NPR2: variants seen among roughly 807,000 people sequenced by gnomAD.
NPR2 encodes the protein natriuretic peptide receptor 2.
NPR2 carries 49 observed loss-of-function variants against 120.7 expected under a neutral mutation model. The ratio of observed to expected loss-of-function variants is 0.41; its 90% CI spans 0.32 to 0.52. The LOEUF (loss-of-function observed/expected upper bound fraction) is 0.52. NPR2 is among the 20% of genes least tolerant of loss of function. The probability of loss-of-function intolerance (pLI) is 0.36; values close to 1 mark genes in which losing one functional copy is unlikely to be tolerated. For synonymous variants in NPR2, 484 were observed against 519.8 expected (o/e 0.93, Z 0.94); for missense variants, 931 against 1,362.9 (o/e 0.68, Z 4.99).
In NPR2 at chr9:35,806,584, C is replaced by G. The variant is rs1209127261; in HGVS notation, c.2519+46C>G. ...CTGTATTTTCTTTTGGGATTCTGCTCTGTTGGGCTCTGCCTCATCAGGCAC... is the reference window on the plus strand; with the variant it reads ...CTGTATTTTCTTTTGGGATTCTGCTGTGTTGGGCTCTGCCTCATCAGGCAC... On this transcript the variant is annotated intron_variant, in intron 16 of 21. Coordinates refer to ENST00000342694, the MANE Select transcript of NPR2 (RefSeq NM_003995.4). This position sits in a 1 kb window ranked among gnomAD's most constrained non-coding sequence, Gnocchi z 4.6. 5 of 1,610,458 alleles carry G rather than the reference C, an allele frequency of 3.1e-6. No individual in the cohort carries two copies. Among genetic ancestry groups the G allele is most frequent in the Non-Finnish European group, 4.2e-6 (5 of 1,177,188 alleles).
At position 35,800,427 on chromosome 9, in the gene NPR2, C is replaced by T. The variant is rs121912739; in HGVS notation, c.1162C>T (p.Arg388Ter). The T allele has an allele frequency of 8.1e-6, 13 of 1,614,030 alleles. No homozygotes were observed. Among genetic ancestry groups the T allele is most frequent in the Admixed American group, 3.3e-5 (2 of 60,016 alleles). Residue 388 changes from arginine to a stop codon, truncating the protein, a stop_gained, in exon 5 of 22, where the codon CGA (arginine) becomes TGA (stop). Coordinates refer to ENST00000342694, the MANE Select transcript of NPR2 (RefSeq NM_003995.4). LOFTEE classifies it high-confidence loss of function. The surrounding 1 kb of genome is among the most constrained non-coding windows in gnomAD (Gnocchi z 4.7). The part of the protein sequence containing the change: ...GLVVMDKNND[R>*]ETDFVLWAMG... ...GGTTGTCATGGACAAGAACAATGAC[C>T]GAGAGACTGACTTTGTCCTCTGGGC...
In NPR2 at chr9:35,808,697, T is replaced by C. The variant is rs760337013; in HGVS notation, c.2887+14T>C. ...GGGTCCATACTGGTAAGGCTGACTC[T>C]CACTCCAGCCCTAGTCTCCACCTTT... On this transcript the variant is annotated intron_variant, in intron 19 of 21. Transcript: ENST00000342694. The surrounding 1 kb of genome is among the most constrained non-coding windows in gnomAD (Gnocchi z 4.0). The C allele has an allele frequency of 6.2e-7, 1 of 1,613,284 alleles. No individual in the cohort carries two copies. Among genetic ancestry groups the C allele is most frequent in the South Asian group, 1.1e-5 (1 of 91,066 alleles).
chr9:35,797,394 C>T (rs1827976463), intron 2 of NPR2, among the ~76,000 whole-genome samples: 1 of 152,204 alleles, frequency 6.6e-6, no homozygotes, highest in South Asian at 2.1e-4. Context: ...ACATGACCAG[C>T]ATGAGATTGG....
At chr9:35,797,979 T>C (rs1213672474) in intron 2 of NPR2, among the ~76,000 whole-genome samples, 1 of 152,328 alleles carries the variant, frequency 6.6e-6, no homozygotes, top group Admixed American at 6.5e-5. Flanking sequence ...GCTTGTGTGT[T>C]CTTGCGTTTT....
Position 35,800,753 on chromosome 9 carries a change from G to C in NPR2, c.1263G>C (p.Thr421=). ...GAGCTGAGAAGCAGATTTGGTGGAC[G>C]GGACGGCCTATTCCCTGGGTGAAGG... is the stretch of plus-strand genomic sequence containing the variant. ...YSGAEKQIWW[T]GRPIPWVKGA... The change falls in exon 6 of 22, where the codon ACG becomes ACC. Residue 421 remains threonine, a synonymous_variant. Transcript: ENST00000342694. This position sits in a 1 kb window ranked among gnomAD's most constrained non-coding sequence, Gnocchi z 4.7. 2 of 1,614,112 alleles carry C rather than the reference G, an allele frequency of 1.2e-6. No homozygotes were observed. The highest frequency in any genetic ancestry group is 1.1e-5 in the South Asian group (1 of 91,078).
rs1303913631 is a variant in NPR2 at position 35,806,187 on chromosome 9, C to A, written c.2326C>A (p.Arg776=). Residue 776 remains arginine (R), a synonymous_variant, in exon 15 of 22, where the codon CGG becomes AGG. Transcript: ENST00000342694. This position sits in a 1 kb window ranked among gnomAD's most constrained non-coding sequence, Gnocchi z 4.6. ...ATGTTGGGCTCAGGACCCAGCTGAG[C>A]GGCCAGACTTTGGACAGATTAAGGG... The part of the protein sequence containing the change: ...ERCWAQDPAE[R]PDFGQIKGFI... 1.2e-6 allele frequency: 2 copies of A among 1,614,170 alleles called. No individual in the cohort carries two copies. The highest frequency in any genetic ancestry group is 1.7e-6 in the Non-Finnish European group (2 of 1,180,036).
Position 35,800,929 on chromosome 9 carries a change from GTGCTTC to G in NPR2, c.1351+92_1351+97del. ...CCTCACTGACCCTCCACTCTTAACT[GTGCTTC>G]TGCCTTTACGTCTGCATCCCTCCCT... On this transcript the variant is annotated intron_variant, in intron 6 of 21. Coordinates refer to ENST00000342694, the MANE Select transcript of NPR2 (RefSeq NM_003995.4). The surrounding 1 kb of genome is among the most constrained non-coding windows in gnomAD (Gnocchi z 4.7). The G allele has an allele frequency of 1.3e-6, 2 of 1,590,834 alleles. No individual in the cohort carries two copies. Among genetic ancestry groups the G allele is most frequent in the Non-Finnish European group, 1.7e-6 (2 of 1,158,946 alleles).
intron 17 of NPR2, 76 bp from the exon 18 acceptor site, chr9:35,807,254 T>C (rs953441158): frequency 9.6e-5 from 144 of 1,499,126 alleles, no homozygotes; most frequent in Middle Eastern, 5.2e-4. Context: ...CCCACATCTT[T>C]TGATGGCTTG....
Position 35,792,256 on chromosome 9 carries a change from G to C in NPR2, c.-153G>C, listed in dbSNP as rs1827805031. 7.0e-6 allele frequency: 5 copies of C among 714,614 alleles called. No homozygotes were observed. The highest frequency in any genetic ancestry group is 2.9e-5 in the East Asian group (1 of 34,496). The allele number at this position is 714,614 out of a possible 1,614,324, so 44.3% of individuals were successfully genotyped here. A position where few individuals can be genotyped will look rare whatever the true frequency, so the allele number is the denominator to read the frequency against. On this transcript the variant is annotated 5_prime_UTR_variant, in exon 1 of 22. Coordinates refer to ENST00000342694, the MANE Select transcript of NPR2 (RefSeq NM_003995.4). ...CTCCCATCTCCCCCTCCTCTCCCCG[G>C]CCCCCAGCACCTTCTGCATCCCAGC...
chr9:35,794,713 C>T lies in NPR2; in HGVS notation c.873+610C>T, dbSNP rs550718858. On this transcript the variant is annotated intron_variant, in intron 2 of 21. Transcript: ENST00000342694. ...TTGAGAGACCAAGAAGATACTGACC[C>T]GACAAGAATGAGGGGTTCACTTAAA... is the stretch of plus-strand genomic sequence containing the variant. Among the ~76,000 whole-genome samples the T allele has an allele frequency of 1.3e-4, 20 of 152,164 alleles. No homozygotes were observed. In the South Asian group the frequency reaches 3.5e-3, roughly 27 times the overall value.
chr9:35,801,179 C>T (rs1828140461), intron 7 of NPR2, 25 bp downstream of exon 7: 1 of 1,552,152 alleles, frequency 6.4e-7, no homozygotes, highest in Non-Finnish European at 8.9e-7. Flanking sequence ...TCTTGCTGAC[C>T]TACTCCCTGC....
chr9:35,803,691 G>T (rs1828259186), intron 12 of NPR2, among the ~76,000 whole-genome samples: 1 of 152,230 alleles, frequency 6.6e-6, no homozygotes. Flanking sequence ...TCTTGCATGA[G>T]TTGGACAGGT....
At position 35,791,983 on chromosome 9, in the gene NPR2, C is replaced by G. The variant is rs1827794374; in HGVS notation, c.-426C>G. On this transcript the variant is annotated 5_prime_UTR_variant, in exon 1 of 22. Coordinates refer to ENST00000342694, the MANE Select transcript of NPR2 (RefSeq NM_003995.4). ...ATGTGGCGCAGCGCCCTCCTGCCCT[C>G]CCGGCCCTTTCAGCTGTGAGGTTCC... is the stretch of plus-strand genomic sequence containing the variant. Among the ~76,000 whole-genome samples, 1 of 152,046 alleles carries G rather than the reference C, an allele frequency of 6.6e-6. No homozygotes were observed. Among genetic ancestry groups the G allele is most frequent in the Admixed American group, 6.5e-5 (1 of 15,288 alleles).
chr9:35,794,897 A>G (rs1180257507), intron 2 of NPR2, among the ~76,000 whole-genome samples: 1 of 151,956 alleles, frequency 6.6e-6, no homozygotes, highest in Non-Finnish European at 1.5e-5. Context: ...GGATTAGAAG[A>G]GGGGGAGACC....
rs758756963 is a variant in NPR2 at position 35,807,026 on chromosome 9, A to T, written c.2523A>T (p.Ser841=). ...EALLYQILPH[S]VAEQLKRGET... ...ATACGGCACCCTTGCTTCCTAGTTC[A>T]GTGGCAGAGCAGTTAAAACGGGGAG... Residue 841 remains serine (S), a synonymous_variant, in exon 17 of 22, where the codon TCA becomes TCT. Coordinates refer to ENST00000342694, the MANE Select transcript of NPR2 (RefSeq NM_003995.4). The T allele has an allele frequency of 2.5e-6, 4 of 1,614,106 alleles. No individual in the cohort carries two copies. The highest frequency in any genetic ancestry group is 3.4e-6 in the Non-Finnish European group (4 of 1,180,012).
In NPR2 at chr9:35,801,116, C is replaced by T; in HGVS notation, c.1398C>T (p.Thr466=). The change falls in exon 7 of 22, where the codon ACC becomes ACT. Residue 466 remains threonine (T), a synonymous_variant. Transcript: ENST00000342694. ...TTGTGGCTCTGGGCACAGGAATCACCTTCATCATGTTTGGTGTTTCCAGCT... is the reference window on the plus strand; with the variant it reads ...TTGTGGCTCTGGGCACAGGAATCACTTTCATCATGTTTGGTGTTTCCAGCT... ...LAIVALGTGI[T]FIMFGVSSFL... 2 of 1,614,080 alleles carry T rather than the reference C, an allele frequency of 1.2e-6. No individual in the cohort carries two copies. Among genetic ancestry groups the T allele is most frequent in the Non-Finnish European group, 1.7e-6 (2 of 1,179,952 alleles).
Position 35,801,662 on chromosome 9 carries a change from G to T in NPR2, c.1456G>T (p.Glu486Ter). 1 of 1,614,154 alleles carries T rather than the reference G, an allele frequency of 6.2e-7. No individual in the cohort carries two copies. The highest frequency in any genetic ancestry group is 8.5e-7 in the Non-Finnish European group (1 of 1,179,976). ...LIFRKLMLEK[E>*]LASMLWRIRW... ...TTACAGAAAGCTGATGCTGGAGAAG[G>T]AGCTGGCTAGCATGTTGTGGCGTAT... Residue 486 changes from glutamate to a stop codon, truncating the protein, a stop_gained, in exon 8 of 22, where the codon GAG becomes TAG. Coordinates refer to ENST00000342694, the MANE Select transcript of NPR2 (RefSeq NM_003995.4). LOFTEE classifies it high-confidence loss of function.
rs1478874675 is a variant in NPR2, at chr9:35,809,262, T to A, written c.3078+15T>A. 1 of 1,609,962 alleles carries A rather than the reference T, an allele frequency of 6.2e-7. No individual in the cohort carries two copies. The highest frequency in any genetic ancestry group is 8.5e-7 in the Non-Finnish European group (1 of 1,177,002). On this transcript the variant is annotated intron_variant, in intron 21 of 21. Transcript: ENST00000342694. This position sits in a 1 kb window ranked among gnomAD's most constrained non-coding sequence, Gnocchi z 4.1. Reference sequence around the variant, plus strand: ...TGGAAATGAAGGTGATGGCAGGCCATGGGGAGGGGGGCATGGAAAGGGAGG... The same window carrying A: ...TGGAAATGAAGGTGATGGCAGGCCAAGGGGAGGGGGGCATGGAAAGGGAGG...
Position 35,800,332 on chromosome 9 carries a change from G to T in NPR2, c.1124-57G>T. Reference sequence around the variant, plus strand: ...CTCTGAGGGAGCCGTAGGCATGAGTGAGTGGGAGAGGAGCCCAGGGTAGAC... The same window carrying T: ...CTCTGAGGGAGCCGTAGGCATGAGTTAGTGGGAGAGGAGCCCAGGGTAGAC... On this transcript the variant is annotated intron_variant, in intron 4 of 21. Coordinates refer to ENST00000342694, the MANE Select transcript of NPR2 (RefSeq NM_003995.4). The surrounding 1 kb of genome is among the most constrained non-coding windows in gnomAD (Gnocchi z 4.7). 1 of 1,517,814 alleles carries T rather than the reference G, an allele frequency of 6.6e-7. No individual in the cohort carries two copies. Among genetic ancestry groups the T allele is most frequent in the South Asian group, 1.1e-5 (1 of 89,110 alleles). The allele number at this position is 1,517,814 out of a possible 1,614,324, so 94.0% of individuals were successfully genotyped here. A position where few individuals can be genotyped will look rare whatever the true frequency, so the allele number is the denominator to read the frequency against.
Sources: allele counts gnomAD v4.1 joint callset (sites outside exome capture counted in the v4.1 genomes callset), GRCh38; gene constraint gnomAD v4.1.1; non-coding constraint Gnocchi (gnomAD v3.1); transcripts MANE v1.5; gene names NCBI Gene and HGNC (gene_info 2026-07-23, HGNC 2026-07-21).